The following MRPS31 variants were observed in gnomAD, a reference collection of about 807,000 sequenced individuals.
MRPS31 encodes the protein mitochondrial ribosomal protein S31.
MRPS31 carries 32 observed loss-of-function variants against 43.1 expected under a neutral mutation model. The ratio of observed to expected loss-of-function variants is 0.74; its 90% CI spans 0.56 to 1.00. The LOEUF (loss-of-function observed/expected upper bound fraction) is 1.00, where lower values mean the gene tolerates loss of function less well. MRPS31 is among the 50% of genes least tolerant of loss of function. The probability of loss-of-function intolerance (pLI) is 0.00; values close to 1 mark genes in which losing one functional copy is unlikely to be tolerated. For synonymous variants in MRPS31, 165 were observed against 161.6 expected (o/e 1.02, Z -0.16); for missense variants, 437 against 466.7 (o/e 0.94, Z 0.59).
At chr13:40,758,874 T>A in intron 3 of MRPS31, 74 bp downstream of exon 3, 1 of 1,340,232 alleles carries the variant, frequency 7.5e-7, no homozygotes, top group Non-Finnish European at 9.8e-7. Context: ...ATTATGTGTA[T>A]TACTCACTAG....
intron 2 of MRPS31, among the ~76,000 whole-genome samples, chr13:40,763,686 A>G (rs1171830364): frequency 6.6e-6 from 1 of 152,188 alleles, no homozygotes; most frequent in East Asian, 1.9e-4. Flanking sequence ...CCATATATCC[A>G]TCAAAAGGGA....
chr13:40,756,803 A>G, intron 4 of MRPS31, 70 bp downstream of exon 4: 4 of 1,515,474 alleles, frequency 2.6e-6, no homozygotes, highest in Non-Finnish European at 2.7e-6. Context: ...CACACACAAT[A>G]AGGTAAATCT....
intron 6 of MRPS31, among the ~76,000 whole-genome samples, chr13:40,736,444 C>T (rs551390027): frequency 1.2e-4 from 18 of 146,278 alleles, no homozygotes; most frequent in African/African-American, 4.6e-4. Context: ...CACAAAGATA[C>T]TCCTCGAGAA....
chr13:40,740,881 A>C (rs1880067401), intron 6 of MRPS31, among the ~76,000 whole-genome samples: 1 of 151,052 alleles, frequency 6.6e-6, no homozygotes, highest in Non-Finnish European at 1.5e-5. Flanking sequence ...GCACATGTAT[A>C]CGTATGTAAC....
intron 5 of MRPS31, among the ~76,000 whole-genome samples, chr13:40,750,774 T>TA (rs1880368803): frequency 9.4e-5 from 12 of 127,976 alleles, no homozygotes; most frequent in Middle Eastern, 4.1e-3. Flanking sequence ...ATATATATAT[T>TA]ACATATATAT....
At chr13:40,749,004 T>A in intron 6 of MRPS31, 134 bp downstream of exon 6, 1 of 805,824 alleles carries the variant, frequency 1.2e-6, no homozygotes, top group East Asian at 3.0e-5. Flanking sequence ...CCTTGTCAGA[T>A]TTATTTTAGG....
chr13:40,759,121 G>T lies in MRPS31; in HGVS notation c.441-15C>A. ...GGGGCTCAATTCTGAAAAAGAAAATGAAAAACAAATGAGAAAGAAAAAAAA... is the reference window on the plus strand; with the variant it reads ...GGGGCTCAATTCTGAAAAAGAAAATTAAAAACAAATGAGAAAGAAAAAAAA... On this transcript the variant is annotated splice_polypyrimidine_tract_variant and intron_variant, in intron 2 of 6. Coordinates refer to ENST00000323563, the MANE Select transcript of MRPS31 (RefSeq NM_005830.4). The T allele has an allele frequency of 1.3e-6, 2 of 1,554,412 alleles. No individual in the cohort carries two copies. Among genetic ancestry groups the T allele is most frequent in the South Asian group, 2.4e-5 (2 of 81,932 alleles).
chr13:40,734,957 A>G (rs563177946), intron 6 of MRPS31, among the ~76,000 whole-genome samples: 58 of 152,326 alleles, frequency 3.8e-4, no homozygotes, highest in Non-Finnish European at 5.7e-4. Flanking sequence ...CAACAGCTCC[A>G]GTCTACAGCT....
At chr13:40,735,057 C>A (rs1317987604) in intron 6 of MRPS31, among the ~76,000 whole-genome samples, 6 of 152,144 alleles carry the variant, frequency 3.9e-5, no homozygotes, top group Non-Finnish European at 7.4e-5. Flanking sequence ...AGACAGTGGG[C>A]GCAGGTCAGT....
chr13:40,729,208 C>T lies in MRPS31; in HGVS notation c.*164G>A. The T allele has an allele frequency of 2.1e-6, 1 of 477,602 alleles. No homozygotes were observed. Among genetic ancestry groups the T allele is most frequent in the Non-Finnish European group, 3.7e-6 (1 of 271,628 alleles). The allele number at this position is 477,602 out of a possible 1,614,324, so 29.6% of individuals were successfully genotyped here. ...TGAATACTGATGATTTTTCTCCATG[C>T]AAGAATATTTTTCAGTTACCATCAT... On this transcript the variant is annotated 3_prime_UTR_variant, in exon 7 of 7. Transcript: ENST00000323563.
intron 3 of MRPS31, among the ~76,000 whole-genome samples, chr13:40,757,440 CTTTT>C (rs11291870): frequency 3.1e-5 from 3 of 96,932 alleles, no homozygotes; most frequent in African/African-American, 1.4e-4. Context: ...CTATGTCTTC[CTTTT>C]TTTTTTTTTT....
intron 2 of MRPS31, among the ~76,000 whole-genome samples, chr13:40,759,452 A>G (rs1309175158): frequency 6.6e-6 from 1 of 152,074 alleles, no homozygotes; most frequent in East Asian, 1.9e-4. Context: ...AAACCAAACC[A>G]AAACAAACAA....
chr13:40,730,591 A>T (rs1879655327), intron 6 of MRPS31, among the ~76,000 whole-genome samples: 2 of 151,844 alleles, frequency 1.3e-5, no homozygotes, highest in Admixed American at 1.3e-4. Context: ...ATAGAGTTTC[A>T]CTCTTGTCGC....
intron 1 of MRPS31, among the ~76,000 whole-genome samples, chr13:40,768,373 G>GAGGGAC (rs1266916312): frequency 7.2e-6 from 1 of 139,340 alleles, no homozygotes; most frequent in Non-Finnish European, 1.5e-5. Flanking sequence ...CCCCAACTAG[G>GAGGGAC]AGGGCACTGA....
chr13:40,737,148 C>G (rs1219995442), intron 6 of MRPS31, among the ~76,000 whole-genome samples: 2 of 150,138 alleles, frequency 1.3e-5, no homozygotes, highest in Admixed American at 6.6e-5. Context: ...TCTGATAAAA[C>G]AGACTTTAAA....
At chr13:40,748,524 T>C (rs9549280) in intron 6 of MRPS31, among the ~76,000 whole-genome samples, 55,706 of 152,170 alleles carry the variant, frequency 0.37, 11,034 homozygotes, top group East Asian at 0.59. Context: ...AACATGGGTA[T>C]CATAAAAAAT....
intron 1 of MRPS31, among the ~76,000 whole-genome samples, chr13:40,769,412 ATATATATATT>A (rs1242467653): frequency 7.7e-4 from 78 of 101,024 alleles, no homozygotes; most frequent in African/African-American, 3.0e-3. Context: ...ATATATATAT[ATATATATATT>A]ATCAAGTTCT....
chr13:40,742,954 CAAG>C (rs976217503), intron 6 of MRPS31, among the ~76,000 whole-genome samples: 42 of 152,246 alleles, frequency 2.8e-4, no homozygotes, highest in South Asian at 8.3e-4. Context: ...AAAAACCCTA[CAAG>C]AAGATCTAGG....
At chr13:40,768,634 T>C (rs925253533) in intron 1 of MRPS31, among the ~76,000 whole-genome samples, 3 of 152,068 alleles carry the variant, frequency 2.0e-5, no homozygotes, top group Non-Finnish European at 2.9e-5. Context: ...TCAAGCGATC[T>C]GCCCGCCTCC....
Sources: allele counts gnomAD v4.1 joint callset (sites outside exome capture counted in the v4.1 genomes callset), GRCh38; gene constraint gnomAD v4.1.1; transcripts MANE v1.5; gene names NCBI Gene and HGNC (gene_info 2026-07-23, HGNC 2026-07-21).